The following MARCHF1 variants were observed in gnomAD, a reference collection of about 807,000 sequenced individuals.
MARCHF1 encodes membrane associated ring-CH-type finger 1, also known as E3 ubiquitin-protein ligase MARCHF1.
Under a neutral mutation model 54.2 loss-of-function variants are expected in MARCHF1, and 40 were observed. The observed-to-expected ratio is 0.74, with a 90% CI of 0.57 to 0.96. The LOEUF is 0.96. Among genes scored for constraint, MARCHF1 ranks in the 40% least tolerant of loss-of-function variants. The probability of loss-of-function intolerance (pLI) is 0.00; values close to 1 mark genes in which losing one functional copy is unlikely to be tolerated. For missense variants in MARCHF1, 586 were observed against 656.5 expected (o/e 0.89, Z 1.17); for synonymous variants, 236 against 236.3 (o/e 1.00, Z 0.01).
intron 2 of MARCHF1, among the ~76,000 whole-genome samples, chr4:164,078,184 T>C (rs1755018527): frequency 6.6e-6 from 1 of 152,164 alleles, no homozygotes; most frequent in Non-Finnish European, 1.5e-5. Context: ...ATATACACCA[T>C]GGAATACTAT....
intron 1 of MARCHF1, among the ~76,000 whole-genome samples, chr4:164,139,679 C>A (rs529813406): frequency 2.6e-5 from 4 of 152,116 alleles, no homozygotes; most frequent in Non-Finnish European, 5.9e-5. Context: ...GCTTACTCAG[C>A]GCAGGAGTAG....
intron 1 of MARCHF1, among the ~76,000 whole-genome samples, chr4:164,148,664 T>G (rs1382027312): frequency 6.6e-6 from 1 of 152,184 alleles, no homozygotes; most frequent in Non-Finnish European, 1.5e-5. Flanking sequence ...AAATTCTGTT[T>G]ATCAAGCTAT....
intron 1 of MARCHF1, among the ~76,000 whole-genome samples, chr4:164,153,369 C>G (rs918902576): frequency 3.9e-5 from 6 of 152,108 alleles, no homozygotes; most frequent in African/African-American, 1.4e-4. Flanking sequence ...AGGAATAACT[C>G]AAACTCAAGT....
intron 2 of MARCHF1, among the ~76,000 whole-genome samples, chr4:164,022,517 A>T (rs1166695692): frequency 6.6e-6 from 1 of 152,018 alleles, no homozygotes; most frequent in African/African-American, 2.4e-5. Context: ...AGTTAAGGGA[A>T]GGATGGACAG....
chr4:163,863,160 A>G (rs1409007348), intron 3 of MARCHF1, among the ~76,000 whole-genome samples: 1 of 152,040 alleles, frequency 6.6e-6, no homozygotes, highest in Non-Finnish European at 1.5e-5. Context: ...ATGAAAATTA[A>G]AAGACATCAT....
intron 1 of MARCHF1, among the ~76,000 whole-genome samples, chr4:164,336,641 G>A (rs569292177): frequency 1.6e-4 from 24 of 152,184 alleles, no homozygotes; most frequent in Admixed American, 2.6e-4. Flanking sequence ...TAAAAATCAC[G>A]AATATTATCT....
At chr4:163,934,512 T>C (rs2110732215) in intron 3 of MARCHF1, among the ~76,000 whole-genome samples, 1 of 136,850 alleles carries the variant, frequency 7.3e-6, no homozygotes, top group South Asian at 2.3e-4. Flanking sequence ...TGAGCCATGA[T>C]CATGCCATGG....
At chr4:163,715,116 T>C (rs1745219187) in intron 4 of MARCHF1, among the ~76,000 whole-genome samples, 1 of 152,256 alleles carries the variant, frequency 6.6e-6, no homozygotes, top group Non-Finnish European at 1.5e-5. Context: ...TCATAGTATA[T>C]TATAATTTGG....
intron 1 of MARCHF1, among the ~76,000 whole-genome samples, chr4:164,360,815 G>A (rs1309326075): frequency 1.3e-5 from 2 of 151,960 alleles, no homozygotes; most frequent in Non-Finnish European, 2.9e-5. Flanking sequence ...CTCTAACTTG[G>A]AATTCTATAG....
chr4:164,083,067 C>T (rs1755131459), intron 2 of MARCHF1, among the ~76,000 whole-genome samples: 1 of 152,022 alleles, frequency 6.6e-6, no homozygotes, highest in Non-Finnish European at 1.5e-5. Flanking sequence ...GAAGGTCTAC[C>T]CATGTACCAC....
Position 163,528,117 on chromosome 4 carries a change from AAACG to A in MARCHF1, c.*627_*630del, listed in dbSNP as rs1738199305. 6.6e-6 allele frequency: 1 copy of A among 152,496 alleles called. No homozygotes were observed. Among genetic ancestry groups the A allele is most frequent in the Non-Finnish European group, 1.5e-5 (1 of 67,992 alleles). 9.4% of individuals were successfully genotyped at this position (152,496 alleles called of 1,614,324 possible). ...TGAAAATCTTTTGCGTGACTTAAACAAACGTAATTAATTCCAAATATCAATGTCT... is the reference window on the plus strand; with the variant it reads ...TGAAAATCTTTTGCGTGACTTAAACATAATTAATTCCAAATATCAATGTCT... On this transcript the variant is annotated 3_prime_UTR_variant, in exon 10 of 10. Coordinates refer to ENST00000514618, the MANE Select transcript of MARCHF1 (RefSeq NM_001394959.1).
intron 7 of MARCHF1, among the ~76,000 whole-genome samples, chr4:163,599,234 G>A (rs1426387108): frequency 6.6e-6 from 1 of 151,814 alleles, no homozygotes; most frequent in African/African-American, 2.4e-5. Flanking sequence ...AGGTTGCAGT[G>A]AGCCAAGACT....
intron 7 of MARCHF1, among the ~76,000 whole-genome samples, chr4:163,607,795 C>T (rs1741193123): frequency 6.6e-6 from 1 of 152,066 alleles, no homozygotes; most frequent in Non-Finnish European, 1.5e-5. Flanking sequence ...GCTTCAGAAT[C>T]ACCTGGGAAC....
chr4:164,070,756 A>G (rs933975518), intron 2 of MARCHF1, among the ~76,000 whole-genome samples: 17 of 152,246 alleles, frequency 1.1e-4, no homozygotes, highest in Non-Finnish European at 4.4e-5. Flanking sequence ...CAGTCTATTT[A>G]TATCAGGTTA....
intron 4 of MARCHF1, among the ~76,000 whole-genome samples, chr4:163,820,780 A>AT (rs1005407306): frequency 2.0e-5 from 3 of 151,692 alleles, no homozygotes; most frequent in South Asian, 2.1e-4. Context: ...TATGCAAACA[A>AT]TTTTTTTTCC....
chr4:163,990,971 T>G, intron 2 of MARCHF1, among the ~76,000 whole-genome samples: 1 of 152,220 alleles, frequency 6.6e-6, no homozygotes, highest in East Asian at 1.9e-4. Flanking sequence ...AATGGCTGTC[T>G]TAATCCTTTA....
intron 3 of MARCHF1, among the ~76,000 whole-genome samples, chr4:163,871,481 T>C (rs1052848820): frequency 1.3e-5 from 2 of 152,146 alleles, no homozygotes; most frequent in African/African-American, 4.8e-5. Context: ...AAGGGTGCTG[T>C]GTGGGGTTCA....
chr4:163,794,995 T>C (rs1747871966), intron 4 of MARCHF1, among the ~76,000 whole-genome samples: 1 of 152,278 alleles, frequency 6.6e-6, no homozygotes, highest in Admixed American at 6.5e-5. Context: ...TCTTCACCTA[T>C]TTTCTTTCTA....
chr4:163,957,799 A>C (rs1458920643), intron 3 of MARCHF1, among the ~76,000 whole-genome samples: 4 of 152,076 alleles, frequency 2.6e-5, no homozygotes, highest in Admixed American at 6.6e-5. Flanking sequence ...TCATGAATCT[A>C]ACCAGCTCTC....
Sources: gnomAD v4.1 joint callset for allele counts (sites outside exome capture counted in the v4.1 genomes callset) on GRCh38, gnomAD v4.1.1 for gene constraint, MANE v1.5 for transcripts, NCBI Gene and HGNC (gene_info 2026-07-23, HGNC 2026-07-21) for gene names.